The following CTNNA3 variants were observed in gnomAD, a reference collection of about 807,000 sequenced individuals.
CTNNA3 encodes the protein catenin alpha 3, also known as catenin alpha-3.
A neutral mutation model predicts 95.7 loss-of-function variants in CTNNA3; 76 were observed. The observed-to-expected ratio is 0.79, with a 90% confidence interval of 0.66 to 0.96. The LOEUF (loss-of-function observed/expected upper bound fraction) is 0.96, where lower values mean the gene tolerates loss of function less well. Ranked by LOEUF, CTNNA3 falls within the 40% of genes least tolerant of loss-of-function variation. The pLI is 0.00. For synonymous variants in CTNNA3, 431 were observed against 374.4 expected, an observed-to-expected ratio of 1.15 and a Z score of -1.74; for missense variants, 1,191 against 1,089.8, an observed-to-expected ratio of 1.09 and a Z score of -1.31.
chr10:66,864,369 C>T (rs1844077860), intron 7 of CTNNA3, among the ~76,000 whole-genome samples: 1 of 152,060 alleles, frequency 6.6e-6, no homozygotes, highest in Non-Finnish European at 1.5e-5. Context: ...TTCTCTTGTA[C>T]TCTCCTCCCC....
intron 11 of CTNNA3, among the ~76,000 whole-genome samples, chr10:66,457,714 C>T (rs2093503938): frequency 1.3e-5 from 2 of 150,416 alleles, no homozygotes; most frequent in South Asian, 4.2e-4. Flanking sequence ...TGCCAGATAC[C>T]CAAGCCCCTT....
At chr10:66,384,855 G>A (rs181216886) in intron 11 of CTNNA3, among the ~76,000 whole-genome samples, 6 of 152,150 alleles carry the variant, frequency 3.9e-5, no homozygotes, top group African/African-American at 7.2e-5. Flanking sequence ...GGTACATAAC[G>A]AAATGAAGGA....
chr10:66,788,757 T>C (rs1222964908), intron 7 of CTNNA3, among the ~76,000 whole-genome samples: 2 of 152,024 alleles, frequency 1.3e-5, no homozygotes, highest in East Asian at 1.9e-4. Context: ...AAGTACTGCA[T>C]TGAAGAACCA....
chr10:66,477,053 A>G (rs1302312888), intron 11 of CTNNA3, among the ~76,000 whole-genome samples: 1 of 152,144 alleles, frequency 6.6e-6, no homozygotes, highest in East Asian at 1.9e-4. Flanking sequence ...TGGCTTGCAG[A>G]TAACTTTTTG....
intron 16 of CTNNA3, among the ~76,000 whole-genome samples, chr10:65,976,068 G>T (rs563037538): frequency 2.0e-4 from 30 of 152,282 alleles, no homozygotes; most frequent in African/African-American, 6.7e-4. Flanking sequence ...TTGACAAACA[G>T]AGAGGTTAAC....
At chr10:66,449,746 A>T (rs1264231719) in intron 11 of CTNNA3, among the ~76,000 whole-genome samples, 1 of 152,092 alleles carries the variant, frequency 6.6e-6, no homozygotes, top group African/African-American at 2.4e-5. Flanking sequence ...AAAGTCCGGC[A>T]ATATATCTTT....
Position 67,388,667 on chromosome 10 carries a change from C to T in CTNNA3, c.579+133175G>A, listed in dbSNP as rs866537493. ...GTTAAGGGCAGCCAGAGAGAAAGGT[C>T]GGGTTACCCTCAAAGGGAAGCCCAT... On this transcript the variant is annotated intron_variant, in intron 5 of 17. Transcript: ENST00000433211. Among the ~76,000 whole-genome samples the T allele has an allele frequency of 1.3e-4, 20 of 151,308 alleles. No homozygotes were observed. In the East Asian group the frequency reaches 1.7e-3, roughly 13 times the overall value.
intron 7 of CTNNA3, among the ~76,000 whole-genome samples, chr10:67,109,799 C>A (rs1459669513): frequency 6.6e-6 from 1 of 152,044 alleles, no homozygotes; most frequent in Non-Finnish European, 1.5e-5. Context: ...GCCGAGATCG[C>A]GCCACTGCAC....
At chr10:67,017,444 C>T (rs1852725866) in intron 7 of CTNNA3, among the ~76,000 whole-genome samples, 1 of 152,184 alleles carries the variant, frequency 6.6e-6, no homozygotes, top group African/African-American at 2.4e-5. Context: ...AAGAAATCTA[C>T]TCTGTGAGCC....
At chr10:67,323,452 G>A (rs1372357656) in intron 5 of CTNNA3, among the ~76,000 whole-genome samples, 2 of 152,152 alleles carry the variant, frequency 1.3e-5, no homozygotes, top group African/African-American at 4.8e-5. Context: ...AGTTATCTCA[G>A]CACCACTTAT....
chr10:67,395,875 C>T (rs1277583853), intron 5 of CTNNA3, among the ~76,000 whole-genome samples: 1 of 152,072 alleles, frequency 6.6e-6, no homozygotes, highest in Non-Finnish European at 1.5e-5. Flanking sequence ...GACCTCAAGG[C>T]AATAATTAGT....
rs79296525 is a variant in CTNNA3 at position 67,115,093 on chromosome 10, C to A, written c.1047+65224G>T. Among the ~76,000 whole-genome samples the A allele has an allele frequency of 3.8e-3, 580 of 152,206 alleles. 1 individual carries two copies. The highest frequency in any genetic ancestry group is 0.013 in the African/African-American group (540 of 41,520). On this transcript the variant is annotated intron_variant, in intron 7 of 17. Coordinates refer to ENST00000433211, the MANE Select transcript of CTNNA3 (RefSeq NM_013266.4). ...TCATATCTCTTGGAGCCACTTTGGT[C>A]CCTACACACCACAGATTCCATCTCT...
intron 7 of CTNNA3, among the ~76,000 whole-genome samples, chr10:67,096,171 G>A (rs1322926971): frequency 6.6e-6 from 1 of 151,568 alleles, no homozygotes; most frequent in African/African-American, 2.4e-5. Context: ...CATATTATAA[G>A]CAAATAATCT....
At chr10:66,056,120 T>C (rs997780418) in intron 15 of CTNNA3, among the ~76,000 whole-genome samples, 1 of 152,068 alleles carries the variant, frequency 6.6e-6, no homozygotes, top group Non-Finnish European at 1.5e-5. Flanking sequence ...AGGAGAGGCT[T>C]TCAGGTTTTC....
intron 2 of CTNNA3, among the ~76,000 whole-genome samples, chr10:67,615,113 A>G (rs1045050696): frequency 2.0e-5 from 3 of 152,250 alleles, no homozygotes; most frequent in Non-Finnish European, 2.9e-5. Flanking sequence ...GGCACAATTC[A>G]ATCCATAACA....
In CTNNA3 at chr10:66,208,515, T is replaced by A. The variant is rs528563026; in HGVS notation, c.1884+71955A>T. Among the ~76,000 whole-genome samples the A allele has an allele frequency of 2.0e-5, 3 of 152,230 alleles. No individual in the cohort carries two copies. In the South Asian group the frequency reaches 6.2e-4, roughly 32 times the overall value. ...TGCAGTTTCCACACATATATCGCCATGGGTGCTTCTATCATCTTCAGTGAA... is the reference window on the plus strand; with the variant it reads ...TGCAGTTTCCACACATATATCGCCAAGGGTGCTTCTATCATCTTCAGTGAA... On this transcript the variant is annotated intron_variant, in intron 13 of 17. Transcript: ENST00000433211.
At chr10:67,021,727 C>A (rs191114667) in intron 7 of CTNNA3, among the ~76,000 whole-genome samples, 1 of 152,090 alleles carries the variant, frequency 6.6e-6, no homozygotes, top group Non-Finnish European at 1.5e-5. Flanking sequence ...AAAATTTCCT[C>A]TTAAGATTTC....
At chr10:67,444,169 C>CTT (rs1846650931) in intron 5 of CTNNA3, among the ~76,000 whole-genome samples, 1 of 152,020 alleles carries the variant, frequency 6.6e-6, no homozygotes, top group Non-Finnish European at 1.5e-5. Flanking sequence ...TTAAGATATT[C>CTT]AAGAAATTAA....
intron 7 of CTNNA3, among the ~76,000 whole-genome samples, chr10:66,874,340 T>G (rs1001212982): frequency 3.9e-5 from 6 of 152,148 alleles, no homozygotes; most frequent in African/African-American, 1.4e-4. Flanking sequence ...CAATTCCCAA[T>G]TGAACCTCTT....
Sources: allele counts gnomAD v4.1 joint callset (sites outside exome capture counted in the v4.1 genomes callset), GRCh38; gene constraint gnomAD v4.1.1; transcripts MANE v1.5; gene names NCBI Gene and HGNC (gene_info 2026-07-23, HGNC 2026-07-21).